KCNQ3: variants seen among roughly 807,000 people sequenced by gnomAD.
KCNQ3 encodes potassium voltage-gated channel subfamily Q member 3.
A neutral mutation model predicts 92.5 loss-of-function variants in KCNQ3; 30 were observed. The ratio of observed to expected loss-of-function variants is 0.32; its 90% CI spans 0.24 to 0.44. The LOEUF (loss-of-function observed/expected upper bound fraction) is 0.44, where lower values mean the gene tolerates loss of function less well. KCNQ3 is among the 20% of genes least tolerant of loss of function. The pLI, the probability that KCNQ3 is intolerant of heterozygous loss-of-function variation, is 1.00. For synonymous variants in KCNQ3, 450 were observed against 468.8 expected, an observed-to-expected ratio of 0.96 and a Z score of 0.52; for missense variants, 913 against 1,140.3, an observed-to-expected ratio of 0.80 and a Z score of 2.87.
At chr8:132,475,123 C>T (rs1051020616) in intron 1 of KCNQ3, among the ~76,000 whole-genome samples, 9 of 152,194 alleles carry the variant, frequency 5.9e-5, no homozygotes, top group African/African-American at 1.9e-4. Flanking sequence ...TTGTAGGTTT[C>T]CTGAGACTTC....
chr8:132,457,652 G>A (rs577067163), intron 1 of KCNQ3, among the ~76,000 whole-genome samples: 70 of 152,208 alleles, frequency 4.6e-4, no homozygotes, highest in African/African-American at 1.4e-3. Flanking sequence ...GCTCTATCCC[G>A]GAACCCCTCC....
At chr8:132,202,092 T>C (rs780328996) in intron 1 of KCNQ3, among the ~76,000 whole-genome samples, 14 of 152,086 alleles carry the variant, frequency 9.2e-5, no homozygotes, top group African/African-American at 3.1e-4. Flanking sequence ...GTTGACCCAA[T>C]TGGGTCATGG....
At chr8:132,458,877 A>G (rs1220335308) in intron 1 of KCNQ3, among the ~76,000 whole-genome samples, 1 of 152,250 alleles carries the variant, frequency 6.6e-6, no homozygotes, top group Non-Finnish European at 1.5e-5. Flanking sequence ...ACAACTAATA[A>G]ATCAATCCTA....
intron 9 of KCNQ3, among the ~76,000 whole-genome samples, chr8:132,149,179 G>A (rs1448537503): frequency 6.6e-6 from 1 of 152,220 alleles, no homozygotes; most frequent in East Asian, 1.9e-4. Flanking sequence ...AGAATTGATA[G>A]ATGCAGGAGG....
chr8:132,224,079 C>CTTTTTTTTTT (rs1334898354), intron 1 of KCNQ3, among the ~76,000 whole-genome samples: 9 of 54,078 alleles, frequency 1.7e-4, no homozygotes, highest in African/African-American at 2.1e-4. Flanking sequence ...TCATGCCAGG[C>CTTTTTTTTTT]TATTTTTTTT....
At chr8:132,231,042 G>A (rs536805307) in intron 1 of KCNQ3, among the ~76,000 whole-genome samples, 1 of 152,280 alleles carries the variant, frequency 6.6e-6, no homozygotes, top group African/African-American at 2.4e-5. Flanking sequence ...CATGCACAGA[G>A]GGAAGATTAT....
chr8:132,389,134 C>A (rs912309857), intron 1 of KCNQ3, among the ~76,000 whole-genome samples: 1 of 152,130 alleles, frequency 6.6e-6, no homozygotes, highest in East Asian at 1.9e-4. Flanking sequence ...AAGGACATAA[C>A]TGATCAATCT....
chr8:132,394,284 G>A (rs1441063142), intron 1 of KCNQ3, among the ~76,000 whole-genome samples: 5 of 152,152 alleles, frequency 3.3e-5, no homozygotes, highest in Non-Finnish European at 4.4e-5. Context: ...TCCTCCTTGG[G>A]ACTCAGGAAA....
Position 132,137,970 on chromosome 8 carries a change from T to G in KCNQ3, c.1615A>C (p.Arg539=). 1 of 1,613,392 alleles carries G rather than the reference T, an allele frequency of 6.2e-7. No homozygotes were observed. The highest frequency in any genetic ancestry group is 1.3e-5 in the African/African-American group (1 of 75,036). The change falls in exon 12 of 15, where the codon AGG becomes CGG. Residue 539 remains arginine (R), a synonymous_variant. Transcript: ENST00000388996. ...LYKKKFKETL[R]PYDVKDVIEQ... is the part of the protein sequence containing the mutation. The stretch of plus-strand genomic sequence containing the variant: ...ATCACATCCTTCACATCGTAAGGCC[T>G]CAAAGTCTCCTTGAATTTTTTTTTA...
At chr8:132,326,303 G>T (rs1358073917) in intron 1 of KCNQ3, among the ~76,000 whole-genome samples, 1 of 152,118 alleles carries the variant, frequency 6.6e-6, no homozygotes, top group African/African-American at 2.4e-5. Flanking sequence ...CATCGGGCAG[G>T]GTTCCAAGGC....
intron 1 of KCNQ3, among the ~76,000 whole-genome samples, chr8:132,377,000 G>A (rs1228861189): frequency 6.6e-6 from 1 of 152,206 alleles, no homozygotes; most frequent in African/African-American, 2.4e-5. Context: ...GAGGAAAAGG[G>A]AATTGCGATG....
chr8:132,326,838 G>C (rs1397372473), intron 1 of KCNQ3, among the ~76,000 whole-genome samples: 1 of 152,324 alleles, frequency 6.6e-6, no homozygotes, highest in East Asian at 1.9e-4. Flanking sequence ...TAGTAGCACA[G>C]AGGGACTGAG....
chr8:132,380,926 AAGC>A (rs1343483946), intron 1 of KCNQ3, among the ~76,000 whole-genome samples: 8 of 134,016 alleles, frequency 6.0e-5, no homozygotes, highest in African/African-American at 2.7e-4. Context: ...AAAGAAATGA[AAGC>A]AGAAAAAAAA....
At chr8:132,355,753 T>C (rs1819003491) in intron 1 of KCNQ3, among the ~76,000 whole-genome samples, 2 of 152,190 alleles carry the variant, frequency 1.3e-5, no homozygotes, top group South Asian at 4.1e-4. Context: ...ATAGTCCCCT[T>C]TGTGCCTAGT....
At chr8:132,165,597 C>G (rs1181114281) in intron 8 of KCNQ3, among the ~76,000 whole-genome samples, 2 of 152,202 alleles carry the variant, frequency 1.3e-5, no homozygotes, top group African/African-American at 4.8e-5. Context: ...ACATTTTACT[C>G]AGTTTGACCA....
At chr8:132,429,461 T>A (rs534793721) in intron 1 of KCNQ3, among the ~76,000 whole-genome samples, 1 of 152,332 alleles carries the variant, frequency 6.6e-6, no homozygotes, top group Admixed American at 6.5e-5. Context: ...ACTCTGAGAT[T>A]CCATCCATCC....
chr8:132,462,479 C>T (rs1289606252), intron 1 of KCNQ3, among the ~76,000 whole-genome samples: 1 of 152,220 alleles, frequency 6.6e-6, no homozygotes, highest in African/African-American at 2.4e-5. Context: ...TGAGCCACTG[C>T]ACCCAGCTGT....
chr8:132,328,001 C>T (rs1818110470), intron 1 of KCNQ3, among the ~76,000 whole-genome samples: 1 of 152,134 alleles, frequency 6.6e-6, no homozygotes, highest in Admixed American at 6.5e-5. Context: ...ACCACTATGT[C>T]CCCTCTACCC....
intron 1 of KCNQ3, among the ~76,000 whole-genome samples, chr8:132,386,201 G>A (rs1377174659): frequency 2.0e-5 from 3 of 152,110 alleles, no homozygotes; most frequent in African/African-American, 7.2e-5. Context: ...GCTGTCCTTA[G>A]AGGAAAATGT....
Sources: gnomAD v4.1 joint callset for allele counts (sites outside exome capture counted in the v4.1 genomes callset) on GRCh38, gnomAD v4.1.1 for gene constraint, MANE v1.5 for transcripts, NCBI Gene and HGNC (gene_info 2026-07-23, HGNC 2026-07-21) for gene names.